The following COL12A1 variants were observed in gnomAD, a reference collection of about 807,000 sequenced individuals.
COL12A1 encodes the protein collagen type XII alpha 1 chain.
Under a neutral mutation model 349.7 loss-of-function variants are expected in COL12A1, and 114 were observed. That is an observed-to-expected ratio of 0.33 (90% confidence interval 0.28 to 0.38). The LOEUF (loss-of-function observed/expected upper bound fraction) is 0.38. Among genes scored for constraint, COL12A1 ranks in the 10% least tolerant of loss-of-function variants. COL12A1 has a pLI of 1.00. For synonymous variants in COL12A1, 1,369 were observed against 1,329.0 expected, an observed-to-expected ratio of 1.03 and a Z score of -0.66; for missense variants, 3,284 against 3,756.9, an observed-to-expected ratio of 0.87 and a Z score of 3.29.
chr6:75,138,957 G>A lies in COL12A1; in HGVS notation c.4962C>T (p.Pro1654=), dbSNP rs771078518. 5.5e-5 allele frequency: 89 copies of A among 1,613,752 alleles called. No individual in the cohort carries two copies. Among genetic ancestry groups the A allele is most frequent in the African/African-American group, 1.1e-4 (8 of 74,880 alleles). ...TCTTTAAGTTTGTTGGGGCTGGCAC[G>A]GGTCCTATCATGAGAAAAGGCAAGC... ...PPVTAQETTR[P]VPAPTNLKIT... Residue 1654 remains proline (P), a synonymous_variant, in exon 28 of 66, where the codon CCC becomes CCT. Coordinates refer to ENST00000322507, the MANE Select transcript of COL12A1 (RefSeq NM_004370.6).
intron 47 of COL12A1, 132 bp downstream of exon 47, chr6:75,117,250 A>T: frequency 2.4e-6 from 2 of 835,514 alleles, no homozygotes; most frequent in Non-Finnish European, 3.7e-6. Flanking sequence ...ACAGTGATTC[A>T]TCAGGTTCTC....
At chr6:75,140,049 T>C (rs571427058) in intron 27 of COL12A1, among the ~76,000 whole-genome samples, 2 of 152,328 alleles carry the variant, frequency 1.3e-5, no homozygotes, top group East Asian at 3.9e-4. Flanking sequence ...GCATTAAGAA[T>C]GTACTTTAAA....
intron 2 of COL12A1, among the ~76,000 whole-genome samples, chr6:75,200,560 G>A (rs864103): frequency 5.9e-5 from 9 of 152,118 alleles, no homozygotes; most frequent in African/African-American, 1.7e-4. Flanking sequence ...GCAACAGAGC[G>A]AGACTCTGTC....
intron 5 of COL12A1, 83 bp from the exon 6 acceptor site, chr6:75,189,898 T>C (rs1042206295): frequency 9.8e-6 from 14 of 1,432,994 alleles, no homozygotes; most frequent in Non-Finnish European, 1.3e-5. Flanking sequence ...AAATGTTGGC[T>C]CCTTAAATCA....
At chr6:75,204,724 C>T (rs1770692585) in intron 1 of COL12A1, among the ~76,000 whole-genome samples, 2 of 152,010 alleles carry the variant, frequency 1.3e-5, no homozygotes, top group Admixed American at 1.3e-4. Flanking sequence ...TCGCCCCCTC[C>T]CAATTCCCTG....
chr6:75,116,164 C>A, intron 47 of COL12A1, 107 bp from the exon 48 acceptor site: 2 of 1,070,500 alleles, frequency 1.9e-6, no homozygotes, highest in South Asian at 2.9e-5. Context: ...TGACATTGTT[C>A]ATTTATTAAA....
intron 63 of COL12A1, 138 bp downstream of exon 63, chr6:75,089,972 C>T: frequency 1.2e-6 from 1 of 828,398 alleles, no homozygotes; most frequent in Middle Eastern, 3.7e-4. Context: ...AGTTGCCTAA[C>T]AGCTCTTCTG....
intron 60 of COL12A1, 150 bp downstream of exon 60, chr6:75,094,958 C>T (rs1308391985): frequency 9.1e-6 from 6 of 660,784 alleles, no homozygotes; most frequent in Middle Eastern, 2.8e-4. Flanking sequence ...GAACTAGTAC[C>T]AAGTCAAATC....
At position 75,147,655 on chromosome 6, in the gene COL12A1, AATTTT is replaced by A. The variant is rs768514093; in HGVS notation, c.4417+15_4417+19del. 26 of 1,576,496 alleles carry A rather than the reference AATTTT, an allele frequency of 1.6e-5. No individual in the cohort carries two copies. Among genetic ancestry groups the A allele is most frequent in the Non-Finnish European group, 2.1e-5 (25 of 1,165,174 alleles). ...CTTGGAAAAGAAAGCAATGAGAAAC[AATTTT>A]TTAATCTGACTCACAGGTTTTTTCT... On this transcript the variant is annotated intron_variant, in intron 23 of 65. Transcript: ENST00000322507.
At chr6:75,147,603 A>T in intron 23 of COL12A1, 72 bp downstream of exon 23, 1 of 1,375,972 alleles carries the variant, frequency 7.3e-7, no homozygotes, top group Non-Finnish European at 9.9e-7. Flanking sequence ...TTTGGAAGGT[A>T]GGCAAAAATG....
At chr6:75,138,678 G>A in intron 28 of COL12A1, 98 bp from the exon 29 acceptor site, 3 of 1,564,830 alleles carry the variant, frequency 1.9e-6, no homozygotes, top group Non-Finnish European at 2.6e-6. Context: ...TTAGCCAGAT[G>A]TTCCTCCTGC....
In COL12A1 at chr6:75,183,267, T is replaced by G; in HGVS notation, c.1674A>C (p.Arg558Ser). 1 of 1,614,214 alleles carries G rather than the reference T, an allele frequency of 6.2e-7. No homozygotes were observed. Among genetic ancestry groups the G allele is most frequent in the Non-Finnish European group, 8.5e-7 (1 of 1,180,034 alleles). ...AATTCCTCAGTTTTATCGCAGGATC[T>G]CTGAAAGCATCTGATGATTTCCCAT... ...ITDGKSSDAF[R>S]DPAIKLRNSD... Residue 558 changes from arginine to serine, a missense_variant, in exon 10 of 66, where the codon AGA becomes AGC. Coordinates refer to ENST00000322507, the MANE Select transcript of COL12A1 (RefSeq NM_004370.6).
chr6:75,098,444 A>G (rs1230625665), intron 58 of COL12A1, among the ~76,000 whole-genome samples: 1 of 152,240 alleles, frequency 6.6e-6, no homozygotes, highest in Non-Finnish European at 1.5e-5. Context: ...GCTTAAGCCC[A>G]GGAGTTCAAG....
chr6:75,189,142 A>C, intron 7 of COL12A1, 75 bp downstream of exon 7: 1 of 1,461,526 alleles, frequency 6.8e-7, no homozygotes, highest in Non-Finnish European at 9.3e-7. Flanking sequence ...TTGAGGAATC[A>C]ATCTTTCATC....
intron 58 of COL12A1, among the ~76,000 whole-genome samples, chr6:75,098,880 C>T (rs565206303): frequency 7.2e-5 from 11 of 152,252 alleles, no homozygotes; most frequent in African/African-American, 2.4e-4. Flanking sequence ...GTTATTTTTT[C>T]TCTCTCTCTG....
chr6:75,099,377 T>A (rs921684652), intron 58 of COL12A1, among the ~76,000 whole-genome samples: 1 of 152,202 alleles, frequency 6.6e-6, no homozygotes, highest in East Asian at 1.9e-4. Flanking sequence ...TAATATTGCT[T>A]GGACAATTTG....
chr6:75,183,797 A>C, intron 9 of COL12A1, 57 bp downstream of exon 9: 1 of 1,587,300 alleles, frequency 6.3e-7, no homozygotes, highest in Non-Finnish European at 8.6e-7. Context: ...CAAGTAAGGC[A>C]TTCTGTCAAA....
At chr6:75,119,005 A>C in intron 46 of COL12A1, 38 bp downstream of exon 46, 2 of 1,610,448 alleles carry the variant, frequency 1.2e-6, no homozygotes, top group Non-Finnish European at 1.7e-6. Flanking sequence ...TAAAAATGTT[A>C]AAATTTCAAG....
At position 75,180,932 on chromosome 6, in the gene COL12A1, A is replaced by G. The variant is rs779415093; in HGVS notation, c.2164+7T>C. ...TCTGAATAACAGTGGCAGAAACCCC[A>G]TCACACCTTCTTCGGTGGTCTCCTC... On this transcript the variant is annotated splice_region_variant and intron_variant, in intron 11 of 65. Transcript: ENST00000322507. 1.2e-6 allele frequency: 2 copies of G among 1,607,400 alleles called. No individual in the cohort carries two copies. The highest frequency in any genetic ancestry group is 1.7e-6 in the Non-Finnish European group (2 of 1,174,952).
Sources: gnomAD v4.1 joint callset for allele counts (sites outside exome capture counted in the v4.1 genomes callset) on GRCh38, gnomAD v4.1.1 for gene constraint, MANE v1.5 for transcripts, NCBI Gene and HGNC (gene_info 2026-07-23, HGNC 2026-07-21) for gene names.